The following PRKAR1B variants were observed in gnomAD, a reference collection of about 807,000 sequenced individuals.
PRKAR1B encodes the protein cAMP-dependent protein kinase type I-beta regulatory subunit.
In PRKAR1B, 22 loss-of-function variants were observed where a neutral mutation model predicts 46.5. That is an observed-to-expected ratio of 0.47 (90% CI 0.34 to 0.68). PRKAR1B has a LOEUF of 0.68. Ranked by LOEUF, PRKAR1B falls within the 30% of genes least tolerant of loss-of-function variation. PRKAR1B has a pLI of 0.01. For synonymous variants in PRKAR1B, 259 were observed against 217.7 expected (o/e 1.19, Z -1.67); for missense variants, 445 against 535.6 (o/e 0.83, Z 1.67).
At chr7:691,309 C>T (rs1224702805) in intron 2 of PRKAR1B, among the ~76,000 whole-genome samples, 1 of 152,248 alleles carries the variant, frequency 6.6e-6, no homozygotes, top group Non-Finnish European at 1.5e-5. Context: ...AATGAGCCTG[C>T]AGGTGATGGG....
chr7:725,315 C>T (rs997855571), intron 1 of PRKAR1B, among the ~76,000 whole-genome samples: 1 of 152,028 alleles, frequency 6.6e-6, no homozygotes, highest in African/African-American at 2.4e-5. Context: ...CCTAAAATTA[C>T]ACACATTCTG....
At position 602,010 on chromosome 7, in the gene PRKAR1B, C is replaced by T. The variant is rs916133010; in HGVS notation, c.549+4183G>A. On this transcript the variant is annotated intron_variant, in intron 6 of 10. Transcript: ENST00000537384. This position sits in a 1 kb window ranked among gnomAD's most constrained non-coding sequence, Gnocchi z 6.4. ...GGAACTCCAGTTACACGAGGGTGAC[C>T]TCACTCTTTCCTTTCTCAAAATTGC... is the stretch of plus-strand genomic sequence containing the variant. Among the ~76,000 whole-genome samples the T allele has an allele frequency of 6.6e-6, 1 of 152,138 alleles. No homozygotes were observed. The highest frequency in any genetic ancestry group is 2.4e-5 in the African/African-American group (1 of 41,430).
intron 8 of PRKAR1B, among the ~76,000 whole-genome samples, chr7:583,726 C>T (rs1236059036): frequency 6.6e-6 from 1 of 151,168 alleles, no homozygotes; most frequent in African/African-American, 2.4e-5. Context: ...CACACGCATT[C>T]TACACACATG....
intron 8 of PRKAR1B, among the ~76,000 whole-genome samples, chr7:582,769 G>C (rs947688722): frequency 6.6e-6 from 1 of 152,220 alleles, no homozygotes; most frequent in Non-Finnish European, 1.5e-5. Context: ...GCAGTGCCTG[G>C]TGGGCACCAG....
At chr7:555,926 C>CG (rs1778398155) in intron 9 of PRKAR1B, among the ~76,000 whole-genome samples, 1 of 152,212 alleles carries the variant, frequency 6.6e-6, no homozygotes. Flanking sequence ...CCAGGCCCCC[C>CG]ACCTCAATGC....
chr7:554,134 G>C (rs1413643737), intron 9 of PRKAR1B, among the ~76,000 whole-genome samples: 1 of 152,234 alleles, frequency 6.6e-6, no homozygotes, highest in Admixed American at 6.5e-5. Context: ...AGGCCCATGT[G>C]GGGGCAGATG....
At chr7:584,990 C>G (rs933279770) in intron 7 of PRKAR1B, among the ~76,000 whole-genome samples, 12 of 152,136 alleles carry the variant, frequency 7.9e-5, no homozygotes, top group Non-Finnish European at 1.8e-4. Flanking sequence ...GAGAGTGCGG[C>G]TGACGTCAGC....
At position 584,473 on chromosome 7, in the gene PRKAR1B, G is replaced by A. The variant is rs991940521; in HGVS notation, c.769+35C>T. On this transcript the variant is annotated intron_variant, in intron 8 of 10. Coordinates refer to ENST00000537384, the MANE Select transcript of PRKAR1B (RefSeq NM_001164760.2). ...GGTGGCCAGCAGGCGCCCAGATGTC[G>A]GGACACACAGCCGTGCAGGGGCGCA... The A allele has an allele frequency of 2.4e-5, 38 of 1,602,614 alleles. No individual in the cohort carries two copies. In the African/African-American group the frequency reaches 4.0e-4, roughly 17 times the overall value.
chr7:553,986 C>T (rs572472129), intron 9 of PRKAR1B, among the ~76,000 whole-genome samples: 104 of 152,376 alleles, frequency 6.8e-4, no homozygotes, highest in Non-Finnish European at 8.8e-4. Flanking sequence ...TGCCCTCAGC[C>T]GGGTGCCCAC....
intron 4 of PRKAR1B, chr7:608,105 C>A (rs9771430): frequency 0.72 from 110,306 of 152,588 alleles, 40,525 homozygotes; most frequent in South Asian, 0.89. Flanking sequence ...GCACCCGGGA[C>A]AAGTGGGGAA....
At position 549,254 on chromosome 7, in the gene PRKAR1B, G is replaced by GA. The variant is rs376044149; in HGVS notation, c.*1175dup. 1.3e-5 allele frequency: 2 copies of GA among 151,746 alleles called. No individual in the cohort carries two copies. Among genetic ancestry groups the GA allele is most frequent in the Non-Finnish European group, 2.9e-5 (2 of 67,966 alleles). The allele number at this position is 151,746 out of a possible 1,614,324, so 9.4% of individuals were successfully genotyped here. ...TATTCAGAGCAGAGATAAGGGGGGGGATGGCTCACAGGTCCACAGGGACGT... is the reference window on the plus strand; with the variant it reads ...TATTCAGAGCAGAGATAAGGGGGGGGAATGGCTCACAGGTCCACAGGGACGT... On this transcript the variant is annotated 3_prime_UTR_variant, in exon 11 of 11. Transcript: ENST00000537384.
In PRKAR1B at chr7:640,765, AAC is replaced by A. The variant is rs71546454; in HGVS notation, c.441-33315_441-33314del. ...GCAACAAGAGCAAAACTCTGTCTCAAACACACACACACACACACACACACACA... is the reference window on the plus strand; with the variant it reads ...GCAACAAGAGCAAAACTCTGTCTCAAACACACACACACACACACACACACA... On this transcript the variant is annotated intron_variant, in intron 4 of 10. Coordinates refer to ENST00000537384, the MANE Select transcript of PRKAR1B (RefSeq NM_001164760.2). Among the ~76,000 whole-genome samples, 608 of 108,150 alleles carry A rather than the reference AAC, an allele frequency of 5.6e-3. 2 individuals are homozygous for A. Among genetic ancestry groups the A allele is most frequent in the Admixed American group, 9.0e-3 (94 of 10,458 alleles). 71.0% of individuals were successfully genotyped at this position (108,150 alleles called of 152,430 possible). A position where few individuals can be genotyped will look rare whatever the true frequency, so the allele number is the denominator to read the frequency against.
chr7:719,042 TTTTTTC>T (rs1780983634), intron 1 of PRKAR1B, among the ~76,000 whole-genome samples: 1 of 151,862 alleles, frequency 6.6e-6, no homozygotes, highest in Non-Finnish European at 1.5e-5. Context: ...CAGCTTATTA[TTTTTTC>T]TTTTTCTTTT....
At chr7:660,789 C>T (rs1327396163) in intron 4 of PRKAR1B, among the ~76,000 whole-genome samples, 9 of 108,234 alleles carry the variant, frequency 8.3e-5, no homozygotes, top group Non-Finnish European at 5.8e-5. Flanking sequence ...GTCCCCACCC[C>T]AACAGATGCA....
rs935930336 is a variant in PRKAR1B at position 654,473 on chromosome 7, A to C, written c.440+22756T>G. On this transcript the variant is annotated intron_variant, in intron 4 of 10. Coordinates refer to ENST00000537384, the MANE Select transcript of PRKAR1B (RefSeq NM_001164760.2). ...ACCATCTTCATCACTACCATCACCAAATCACCATCTTCATCCCCTCACTAT... is the reference window on the plus strand; with the variant it reads ...ACCATCTTCATCACTACCATCACCACATCACCATCTTCATCCCCTCACTAT... Among the ~76,000 whole-genome samples the C allele has an allele frequency of 4.7e-5, 7 of 148,226 alleles. No homozygotes were observed. The South Asian group carries it at 6.5e-4, about 14-fold the overall frequency.
At chr7:611,761 G>C (rs570874298) in intron 4 of PRKAR1B, among the ~76,000 whole-genome samples, 1 of 132,812 alleles carries the variant, frequency 7.5e-6, no homozygotes, top group South Asian at 3.2e-4. Flanking sequence ...TGGGTGAGTA[G>C]ACGAATGAAT....
At chr7:574,378 AG>A (rs1353130897) in intron 9 of PRKAR1B, among the ~76,000 whole-genome samples, 2 of 152,178 alleles carry the variant, frequency 1.3e-5, no homozygotes, top group Non-Finnish European at 2.9e-5. Flanking sequence ...CCAGCTGGGT[AG>A]GGCCAGACAG....
intron 2 of PRKAR1B, among the ~76,000 whole-genome samples, chr7:685,308 G>GTATATATACGTA (rs1291918558): frequency 8.8e-5 from 1 of 11,314 alleles, no homozygotes; most frequent in African/African-American, 5.7e-4. Flanking sequence ...ATATATATAC[G>GTATATATACGTA]TATATATACG....
intron 9 of PRKAR1B, among the ~76,000 whole-genome samples, chr7:556,175 T>C (rs1554281813): frequency 6.6e-6 from 1 of 152,028 alleles, no homozygotes; most frequent in Non-Finnish European, 1.5e-5. Context: ...ATGAAGCCCC[T>C]GACCAGAACA....
Sources: gnomAD v4.1 joint callset for allele counts (sites outside exome capture counted in the v4.1 genomes callset) on GRCh38, gnomAD v4.1.1 for gene constraint, Gnocchi (gnomAD v3.1) non-coding constraint, MANE v1.5 for transcripts, NCBI Gene and HGNC (gene_info 2026-07-23, HGNC 2026-07-21) for gene names.